Variants in PALS1 observed in about 807,000 individuals in gnomAD.
The protein encoded by PALS1 is protein associated with LIN7 1, MAGUK p55 family member.
In PALS1, 31 loss-of-function variants were observed where a neutral mutation model predicts 78.9. The observed-to-expected ratio is 0.39, with a 90% CI of 0.30 to 0.53. PALS1 has a LOEUF of 0.53. Among genes scored for constraint, PALS1 ranks in the 20% least tolerant of loss-of-function variants. PALS1 has a pLI of 0.67. For synonymous variants in PALS1, 276 were observed against 270.9 expected (o/e 1.02, Z -0.18); for missense variants, 704 against 826.5 (o/e 0.85, Z 1.82).
chr14:67,328,961 GCT>G, intron 14 of PALS1, among the ~76,000 whole-genome samples: 1 of 152,200 alleles, frequency 6.6e-6, no homozygotes, highest in Non-Finnish European at 1.5e-5. Context: ...GGCAATGCAG[GCT>G]CTTTTTTGGT....
chr14:67,282,999 C>T (rs1267132165), intron 3 of PALS1, among the ~76,000 whole-genome samples: 1 of 152,038 alleles, frequency 6.6e-6, no homozygotes, highest in East Asian at 1.9e-4. Context: ...TGCCATCTAT[C>T]ATATATGTGA....
rs1052178882 is a variant in PALS1, at chr14:67,288,092, T to C, written c.368-4419T>C. On this transcript the variant is annotated intron_variant, in intron 3 of 14. Transcript: ENST00000261681. ...CCAGGCTGGGGTCTCCCTTTTTTTTTCCTTCGAGACAGAGTCTCACTCTGT... is the reference window on the plus strand; with the variant it reads ...CCAGGCTGGGGTCTCCCTTTTTTTTCCCTTCGAGACAGAGTCTCACTCTGT... Among the ~76,000 whole-genome samples, 3 of 151,992 alleles carry C rather than the reference T, an allele frequency of 2.0e-5. No individual in the cohort carries two copies. The East Asian group carries it at 5.8e-4, about 29-fold the overall frequency.
intron 8 of PALS1, among the ~76,000 whole-genome samples, chr14:67,305,718 CAG>C (rs1336424183): frequency 6.6e-6 from 1 of 152,132 alleles, no homozygotes. Flanking sequence ...GTATGCAAAA[CAG>C]AATATCAAAG....
chr14:67,259,422 C>T (rs1045323653), intron 1 of PALS1, among the ~76,000 whole-genome samples: 3 of 151,500 alleles, frequency 2.0e-5, no homozygotes, highest in African/African-American at 7.3e-5. Context: ...ACCAGCCTGG[C>T]CAACACGGTG....
In PALS1 at chr14:67,268,713, C is replaced by T. The variant is rs143135352; in HGVS notation, c.-236-988C>T. 3.0e-3 allele frequency among the ~76,000 whole-genome samples: 463 copies of T among 152,274 alleles called. 1 individual carries two copies. The highest frequency in any genetic ancestry group is 6.4e-3 in the South Asian group (31 of 4,826). On this transcript the variant is annotated intron_variant, in intron 1 of 14. Transcript: ENST00000261681. ...GTGAGCAGTGAGCACAACCAGAGGT[C>T]GGGATTTGCCTCGCTTCTTTACCCC...
rs1197663812 is a variant in PALS1 at position 67,324,897 on chromosome 14, A to ATTTTTTTT, written c.1851+1103_1851+1110dup. Among the ~76,000 whole-genome samples the ATTTTTTTT allele has an allele frequency of 2.1e-4, 16 of 76,326 alleles. 1 individual carries two copies. The highest frequency in any genetic ancestry group is 4.4e-4 in the East Asian group (1 of 2,266). 50.1% of individuals were successfully genotyped at this position (76,326 alleles called of 152,430 possible). A position where few individuals can be genotyped will look rare whatever the true frequency, so the allele number is the denominator to read the frequency against. ...AGCTACCACGCCCAGCCTTCCTTTC[A>ATTTTTTTT]TTTTTTTTTTTTTTTTTTTTTTTTT... On this transcript the variant is annotated intron_variant, in intron 14 of 14. Coordinates refer to ENST00000261681, the MANE Select transcript of PALS1 (RefSeq NM_022474.4).
rs553979765 is a variant in PALS1 at position 67,308,647 on chromosome 14, G to C, written c.1042-3880G>C. 1.4e-4 allele frequency among the ~76,000 whole-genome samples: 21 copies of C among 150,416 alleles called. No homozygotes were observed. In the South Asian group the frequency reaches 4.0e-3, roughly 28 times the overall value. ...TGCAACCTCCGCCTCCTGGGTTCAA[G>C]TGATTCTCCCGCCTCAGCCTCCCAA... On this transcript the variant is annotated intron_variant, in intron 8 of 14. Transcript: ENST00000261681.
chr14:67,329,963 GTTC>G (rs1458256019), intron 14 of PALS1, among the ~76,000 whole-genome samples: 2 of 151,282 alleles, frequency 1.3e-5, no homozygotes, highest in South Asian at 2.1e-4. Flanking sequence ...CTCTGAATCT[GTTC>G]TTCTAGTATT....
At chr14:67,311,868 G>T (rs8015819) in intron 8 of PALS1, 47,535 of 152,332 alleles carry the variant, frequency 0.31, 11,390 homozygotes, top group African/African-American at 0.65. Flanking sequence ...TTTAGTCGTT[G>T]ATAGTGTGCT....
intron 1 of PALS1, among the ~76,000 whole-genome samples, chr14:67,253,309 G>T (rs1290588565): frequency 6.6e-6 from 1 of 152,168 alleles, no homozygotes; most frequent in Non-Finnish European, 1.5e-5. Flanking sequence ...TGTGTGACTT[G>T]GTTGTTATAG....
chr14:67,280,879 C>CTT (rs2084598816), intron 3 of PALS1, among the ~76,000 whole-genome samples: 1 of 131,806 alleles, frequency 7.6e-6, no homozygotes, highest in Admixed American at 8.3e-5. Flanking sequence ...CTCCCTCCCT[C>CTT]CCTTTTCTTT....
rs1054534346 is a variant in PALS1 at position 67,332,981 on chromosome 14, T to C, written c.*25T>C. 1.3e-6 allele frequency: 2 copies of C among 1,586,246 alleles called. No homozygotes were observed. Among genetic ancestry groups the C allele is most frequent in the African/African-American group, 1.3e-5 (1 of 74,462 alleles). On this transcript the variant is annotated 3_prime_UTR_variant, in exon 15 of 15. Transcript: ENST00000261681. ...AAAGAAACATCCATTCTGTGGCATG[T>C]TGGACTTGATCTGGCAAAAACTGCC...
At chr14:67,300,922 G>T (rs1385650578) in intron 4 of PALS1, among the ~76,000 whole-genome samples, 1 of 151,680 alleles carries the variant, frequency 6.6e-6, no homozygotes, top group Non-Finnish European at 1.5e-5. Context: ...AAACTCCTGG[G>T]CTTAAGCAAT....
chr14:67,332,165 A>T (rs2085460256), intron 14 of PALS1, among the ~76,000 whole-genome samples: 1 of 152,228 alleles, frequency 6.6e-6, no homozygotes, highest in Non-Finnish European at 1.5e-5. Flanking sequence ...TCTTGAACCC[A>T]TGTGCCTGAT....
chr14:67,281,124 C>T (rs1055486285), intron 3 of PALS1, among the ~76,000 whole-genome samples: 2 of 151,866 alleles, frequency 1.3e-5, no homozygotes, highest in African/African-American at 4.8e-5. Context: ...GTCTTCAACT[C>T]CTGACCTCAT....
chr14:67,269,493 A>T (rs372441478), intron 1 of PALS1, among the ~76,000 whole-genome samples: 1 of 152,182 alleles, frequency 6.6e-6, no homozygotes, highest in African/African-American at 2.4e-5. Context: ...TCCTAACAGC[A>T]CTAATATACA....
At chr14:67,278,585 C>T (rs934916468) in intron 2 of PALS1, among the ~76,000 whole-genome samples, 14 of 152,158 alleles carry the variant, frequency 9.2e-5, no homozygotes, top group African/African-American at 3.4e-4. Context: ...ATTTCTTTAG[C>T]AGTTATTCTT....
chr14:67,262,099 T>C (rs2084247698), intron 1 of PALS1, among the ~76,000 whole-genome samples: 1 of 152,146 alleles, frequency 6.6e-6, no homozygotes, highest in South Asian at 2.1e-4. Context: ...TTTCAGTGCC[T>C]ACATATGTGG....
At chr14:67,283,244 G>A (rs2084628858) in intron 3 of PALS1, among the ~76,000 whole-genome samples, 1 of 152,176 alleles carries the variant, frequency 6.6e-6, no homozygotes, top group Non-Finnish European at 1.5e-5. Flanking sequence ...GCATGTTTCA[G>A]TCTTAATTAG....
Sources: gnomAD v4.1 joint callset for allele counts (sites outside exome capture counted in the v4.1 genomes callset) on GRCh38, gnomAD v4.1.1 for gene constraint, MANE v1.5 for transcripts, NCBI Gene and HGNC (gene_info 2026-07-23, HGNC 2026-07-21) for gene names.